Variants in UNC13A observed in about 807,000 individuals in gnomAD.
UNC13A encodes unc-13 homolog A.
Under a neutral mutation model 219.7 loss-of-function variants are expected in UNC13A, and 61 were observed. That is an observed-to-expected ratio of 0.28 (90% CI 0.23 to 0.34). The LOEUF is 0.34. Ranked by LOEUF, UNC13A falls within the 10% of genes least tolerant of loss-of-function variation. The pLI, the probability that UNC13A is intolerant of heterozygous loss-of-function variation, is 1.00. For missense variants in UNC13A, 1,476 were observed against 2,270.3 expected, an observed-to-expected ratio of 0.65 and a Z score of 7.11; for synonymous variants, 920 against 884.6, an observed-to-expected ratio of 1.04 and a Z score of -0.71.
At chr19:17,629,972 A>T (rs1324640634) in intron 30 of UNC13A, among the ~76,000 whole-genome samples, 173 bp downstream of exon 30, 1 of 151,766 alleles carries the variant, frequency 6.6e-6, no homozygotes, top group Admixed American at 6.6e-5. Context: ...CTCAACCTCA[A>T]CCTCAACCCA....
At chr19:17,680,816 G>C (rs936085403) in intron 1 of UNC13A, among the ~76,000 whole-genome samples, 2 of 149,382 alleles carry the variant, frequency 1.3e-5, no homozygotes, top group African/African-American at 4.9e-5. Flanking sequence ...TGGATTCTAG[G>C]ATTTGAATAC....
intron 1 of UNC13A, 24 bp downstream of exon 1, chr19:17,688,154 C>T (rs1183938680): frequency 2.0e-6 from 3 of 1,527,620 alleles, no homozygotes; most frequent in South Asian, 2.4e-5. Context: ...CACGGGTCCC[C>T]CGACCCCCAG....
rs759499920 is a variant in UNC13A at position 17,669,685 on chromosome 19, T to G, written c.271-9A>C. On this transcript the variant is annotated splice_polypyrimidine_tract_variant and intron_variant, in intron 4 of 43. Transcript: ENST00000519716. The stretch of plus-strand genomic sequence containing the variant: ...CACTCTCCAGGGCCCTCCTGGGGGT[T>G]GGGGGAGGAGGTGTGTGGGTCAGGA... The G allele has an allele frequency of 2.5e-6, 4 of 1,603,872 alleles. No individual in the cohort carries two copies. The South Asian group carries it at 4.5e-5, about 18-fold the overall frequency.
chr19:17,642,651 G>A (rs1312004684), intron 20 of UNC13A, among the ~76,000 whole-genome samples, 194 bp downstream of exon 20: 1 of 152,176 alleles, frequency 6.6e-6, no homozygotes, highest in Non-Finnish European at 1.5e-5. Context: ...GGCCAAGGTG[G>A]GCTTCCCAGA....
intron 1 of UNC13A, among the ~76,000 whole-genome samples, chr19:17,676,537 G>A (rs2079901902): frequency 6.6e-6 from 1 of 152,188 alleles, no homozygotes; most frequent in African/African-American, 2.4e-5. Context: ...TTGAGGAGGT[G>A]GAGAAGAAGA....
At chr19:17,655,214 C>T in intron 11 of UNC13A, 60 bp downstream of exon 11, 1 of 1,384,028 alleles carries the variant, frequency 7.2e-7, no homozygotes, top group South Asian at 1.2e-5. Context: ...CATGTGTGGG[C>T]CTGCCATTGG....
At chr19:17,623,846 G>A (rs527981600) in intron 35 of UNC13A, among the ~76,000 whole-genome samples, 3 of 152,204 alleles carry the variant, frequency 2.0e-5, no homozygotes, top group East Asian at 3.9e-4. Context: ...GATGCCTCCC[G>A]GAGGGACCCA....
intron 23 of UNC13A, 35 bp from the exon 24 acceptor site, chr19:17,639,560 A>C: frequency 6.2e-7 from 1 of 1,601,514 alleles, no homozygotes; most frequent in Non-Finnish European, 8.5e-7. Context: ...GGGTTATGGA[A>C]GAAGGCGTGG....
At chr19:17,686,298 G>GCCCCCCCCCCCCCCC (rs533722538) in intron 1 of UNC13A, among the ~76,000 whole-genome samples, 2 of 81,902 alleles carry the variant, frequency 2.4e-5, no homozygotes, top group Non-Finnish European at 5.3e-5. Context: ...TGAGATCCCC[G>GCCCCCCCCCCCCCCC]CCCCCCCCCC....
intron 35 of UNC13A, among the ~76,000 whole-genome samples, chr19:17,624,338 C>G (rs1412922827): frequency 6.6e-6 from 1 of 151,976 alleles, no homozygotes; most frequent in Non-Finnish European, 1.5e-5. Flanking sequence ...AGGCTGGTCT[C>G]GAACTCCTGA....
intron 41 of UNC13A, among the ~76,000 whole-genome samples, chr19:17,613,040 T>C (rs981991776): frequency 2.0e-5 from 3 of 152,136 alleles, no homozygotes; most frequent in Non-Finnish European, 4.4e-5. Context: ...AAGCCCATCC[T>C]GGCCAACATG....
At chr19:17,628,079 G>C (rs2076802621) in intron 31 of UNC13A, 139 bp from the exon 32 acceptor site, 1 of 739,222 alleles carries the variant, frequency 1.4e-6, no homozygotes, top group Middle Eastern at 3.5e-4. Context: ...ACCTGCAAAT[G>C]GAAGGGAGCT....
intron 9 of UNC13A, among the ~76,000 whole-genome samples, chr19:17,657,646 A>T (rs1049230867): frequency 2.6e-5 from 4 of 152,256 alleles, no homozygotes; most frequent in Middle Eastern, 3.4e-3. Flanking sequence ...AGGATGCTAT[A>T]GGAATAAAAA....
At chr19:17,639,372 C>A (rs541860776) in intron 24 of UNC13A, 64 bp downstream of exon 24, 3 of 1,577,928 alleles carry the variant, frequency 1.9e-6, no homozygotes, top group African/African-American at 2.7e-5. Flanking sequence ...TGTCACTTGT[C>A]CTGGGAGCTG....
chr19:17,617,561 G>T (rs560059363), intron 41 of UNC13A, 141 bp downstream of exon 41: 2 of 1,270,410 alleles, frequency 1.6e-6, no homozygotes, highest in South Asian at 1.4e-5. Context: ...ATCGCTCATT[G>T]GTCCCTGGAC....
At position 17,649,527 on chromosome 19, in the gene UNC13A, G is replaced by A. The variant is rs547019365; in HGVS notation, c.1500C>T (p.Ile500=). ...SMPDIRKRKP[I]PLVSDLAMSL... ...TGCTTACCAAGTCGCTCACGAGTGG[G>A]ATAGGTTTCCTCTTGCGGATGTCTG... Residue 500 remains isoleucine, a synonymous_variant, in exon 13 of 44, where the codon ATC becomes ATT. Transcript: ENST00000519716. This position sits in a 1 kb window ranked among gnomAD's most constrained non-coding sequence, Gnocchi z 4.4. The A allele has an allele frequency of 3.7e-6, 6 of 1,613,960 alleles. No individual in the cohort carries two copies. The highest frequency in any genetic ancestry group is 4.5e-5 in the East Asian group (2 of 44,876).
At chr19:17,653,069 C>T (rs984463151) in intron 11 of UNC13A, among the ~76,000 whole-genome samples, 3 of 152,084 alleles carry the variant, frequency 2.0e-5, no homozygotes, top group South Asian at 4.1e-4. Context: ...TCAGCATAGA[C>T]GTGGGGTCCA....
intron 41 of UNC13A, chr19:17,612,185 C>G: frequency 4.9e-6 from 1 of 205,764 alleles, no homozygotes; most frequent in Non-Finnish European, 9.7e-6. Flanking sequence ...GCATCTGGCA[C>G]CCTGGCCTCC....
At chr19:17,653,344 A>T (rs930065680) in intron 11 of UNC13A, among the ~76,000 whole-genome samples, 1 of 150,412 alleles carries the variant, frequency 6.6e-6, no homozygotes, top group Non-Finnish European at 1.5e-5. Context: ...ATATATATAT[A>T]TTTTGTTTGT....
Sources: allele counts gnomAD v4.1 joint callset (sites outside exome capture counted in the v4.1 genomes callset), GRCh38; gene constraint gnomAD v4.1.1; non-coding constraint Gnocchi (gnomAD v3.1); transcripts MANE v1.5; gene names NCBI Gene and HGNC (gene_info 2026-07-23, HGNC 2026-07-21).